TANC2: variants seen among roughly 807,000 people sequenced by gnomAD.
The protein encoded by TANC2 is protein TANC2.
TANC2 carries 26 observed loss-of-function variants against 210.5 expected under a neutral mutation model. That is an observed-to-expected ratio of 0.12 (90% CI 0.09 to 0.17). The LOEUF (loss-of-function observed/expected upper bound fraction) is 0.17. Ranked by LOEUF, TANC2 falls within the 10% of genes least tolerant of loss-of-function variation. The pLI is 1.00. For synonymous variants in TANC2, 931 were observed against 967.1 expected, an observed-to-expected ratio of 0.96 and a Z score of 0.69; for missense variants, 2,129 against 2,608.9, an observed-to-expected ratio of 0.82 and a Z score of 4.01.
At chr17:63,082,136 A>G (rs80211755) in intron 3 of TANC2, among the ~76,000 whole-genome samples, 1 of 152,178 alleles carries the variant, frequency 6.6e-6, no homozygotes, top group Admixed American at 6.5e-5. Flanking sequence ...TTGCCACTAC[A>G]CTCCAGCCTG....
At chr17:63,374,960 GA>G (rs1169138294) in intron 14 of TANC2, among the ~76,000 whole-genome samples, 1 of 152,140 alleles carries the variant, frequency 6.6e-6, no homozygotes, top group Non-Finnish European at 1.5e-5. Context: ...AAATATAGGA[GA>G]GGGGGGAAAT....
chr17:63,151,793 G>A (rs1012916645), intron 5 of TANC2: 1 of 152,086 alleles, frequency 6.6e-6, no homozygotes, highest in African/African-American at 2.4e-5. Context: ...CAACCTTTAT[G>A]CCTAATTCCT....
At chr17:63,232,880 A>AGACTGCGGCTGC (rs1198246011) in intron 7 of TANC2, among the ~76,000 whole-genome samples, 1 of 152,206 alleles carries the variant, frequency 6.6e-6, no homozygotes, top group Non-Finnish European at 1.5e-5. Flanking sequence ...TGATCAACCG[A>AGACTGCGGCTGC]GACTGCGGCT....
chr17:63,340,245 A>G, exon 12 of TANC2: 2 of 1,613,964 alleles, frequency 1.2e-6, no homozygotes, highest in Admixed American at 1.7e-5. Context: ...TCACCTGCAG[A>G]GCATGCTGAG....
At chr17:63,063,531 C>CAT (rs2036071950) in intron 2 of TANC2, among the ~76,000 whole-genome samples, 3 of 108,148 alleles carry the variant, frequency 2.8e-5, no homozygotes, top group East Asian at 2.3e-4. Flanking sequence ...GGGACAAAGA[C>CAT]GTGTGTGTGT....
chr17:63,048,347 A>G (rs2035456507), intron 2 of TANC2, among the ~76,000 whole-genome samples: 1 of 152,220 alleles, frequency 6.6e-6, no homozygotes, highest in African/African-American at 2.4e-5. Flanking sequence ...TTGGAAAAAC[A>G]AAAAGGGTTA....
chr17:63,394,499 G>A (rs1032732850), intron 17 of TANC2, among the ~76,000 whole-genome samples: 7 of 152,160 alleles, frequency 4.6e-5, no homozygotes, highest in African/African-American at 1.7e-4. Context: ...ATACAGTTCT[G>A]AGCATGAAAA....
intron 11 of TANC2, among the ~76,000 whole-genome samples, chr17:63,330,807 G>A (rs901141236): frequency 2.0e-5 from 3 of 152,188 alleles, no homozygotes; most frequent in African/African-American, 4.8e-5. Flanking sequence ...GGAGCGCGGT[G>A]GCTCCTGCCT....
intron 1 of TANC2, 60 bp from the exon 2 acceptor site, chr17:63,009,477 C>A: frequency 8.8e-7 from 1 of 1,141,224 alleles, no homozygotes; most frequent in East Asian, 2.4e-5. Flanking sequence ...CTATAGTCAC[C>A]CTCTTATGCT....
intron 7 of TANC2, among the ~76,000 whole-genome samples, chr17:63,204,002 A>G (rs561156018): frequency 1.5e-4 from 23 of 152,356 alleles, no homozygotes; most frequent in Non-Finnish European, 2.6e-4. Flanking sequence ...TAAAAAATAC[A>G]TATTTATTTG....
intron 7 of TANC2, among the ~76,000 whole-genome samples, chr17:63,226,149 C>T (rs867439932): frequency 6.6e-6 from 1 of 152,006 alleles, no homozygotes; most frequent in African/African-American, 2.4e-5. Flanking sequence ...ATTGATTTCT[C>T]CTGTTTTTGC....
chr17:63,128,347 C>T (rs547223073), intron 4 of TANC2, among the ~76,000 whole-genome samples: 14 of 152,192 alleles, frequency 9.2e-5, no homozygotes, highest in East Asian at 3.9e-4. Flanking sequence ...ATAACTCATA[C>T]GCCCCACAAA....
At chr17:62,972,971 TG>T (rs1396817155) in intron 1 of TANC2, among the ~76,000 whole-genome samples, 2 of 152,144 alleles carry the variant, frequency 1.3e-5, no homozygotes, top group African/African-American at 4.8e-5. Context: ...CAGGTGGGCT[TG>T]GGCATGATGT....
chr17:63,374,455 G>A (rs1002432796), intron 14 of TANC2, among the ~76,000 whole-genome samples: 3 of 152,202 alleles, frequency 2.0e-5, no homozygotes, highest in Middle Eastern at 3.4e-3. Context: ...TTTTTCCCAC[G>A]TGTGGAGTAG....
chr17:63,347,365 A>G (rs2046446629), intron 12 of TANC2, among the ~76,000 whole-genome samples: 1 of 152,174 alleles, frequency 6.6e-6, no homozygotes. Flanking sequence ...GAACCTAACA[A>G]ATTTCTGGAA....
chr17:63,119,762 T>G (rs2038390175), intron 4 of TANC2, among the ~76,000 whole-genome samples: 1 of 152,166 alleles, frequency 6.6e-6, no homozygotes, highest in Non-Finnish European at 1.5e-5. Flanking sequence ...CACCTGTAAT[T>G]CCAGCACTTT....
In TANC2 at chr17:63,030,311, T is replaced by G. The variant is rs139932570; in HGVS notation, c.67+20685T>G. On this transcript the variant is annotated intron_variant, in intron 2 of 27. Transcript: ENST00000689528. ...TGAGACATTGAAGGGGATTTATACA[T>G]TCATATAACTAAGAATTCCAGCAGT... Among the ~76,000 whole-genome samples, 273 of 152,280 alleles carry G rather than the reference T, an allele frequency of 1.8e-3. 1 individual carries two copies. The highest frequency in any genetic ancestry group is 6.1e-3 in the African/African-American group (254 of 41,574).
In TANC2 at chr17:63,412,424, T is replaced by G. The variant is rs975069740; in HGVS notation, c.3899-256T>G. Among the ~76,000 whole-genome samples the G allele has an allele frequency of 6.6e-6, 1 of 152,142 alleles. No homozygotes were observed. Among genetic ancestry groups the G allele is most frequent in the Admixed American group, 6.5e-5 (1 of 15,274 alleles). On this transcript the variant is annotated intron_variant, in intron 23 of 27. Coordinates refer to ENST00000689528, the Ensembl canonical transcript of TANC2. This position sits in a 1 kb window ranked among gnomAD's most constrained non-coding sequence, Gnocchi z 4.2. ...AGCACTGCCTCTGTTCCAGCCCCAC[T>G]CTATCAGCATCCTGGATCTCTGCGC...
intron 1 of TANC2, among the ~76,000 whole-genome samples, chr17:63,002,310 C>T (rs1057006453): frequency 2.0e-5 from 3 of 152,204 alleles, no homozygotes; most frequent in African/African-American, 7.2e-5. Flanking sequence ...GGGGGAGCAT[C>T]TCCAAGCCAT....
Sources: gnomAD v4.1 joint callset for allele counts (sites outside exome capture counted in the v4.1 genomes callset) on GRCh38, gnomAD v4.1.1 for gene constraint, Gnocchi (gnomAD v3.1) non-coding constraint, MANE v1.5 for transcripts, NCBI Gene and HGNC (gene_info 2026-07-23, HGNC 2026-07-21) for gene names.